Variants in UBASH3B observed in about 807,000 individuals in gnomAD.
The protein encoded by UBASH3B is ubiquitin associated and SH3 domain containing B, also known as ubiquitin-associated and SH3 domain-containing protein B.
In UBASH3B, 37 loss-of-function variants were observed where a neutral mutation model predicts 83.4. That is an observed-to-expected ratio of 0.44 (90% CI 0.34 to 0.58). The LOEUF (loss-of-function observed/expected upper bound fraction) is 0.58, where lower values mean the gene tolerates loss of function less well. Ranked by LOEUF, UBASH3B falls within the 20% of genes least tolerant of loss-of-function variation. The probability of loss-of-function intolerance (pLI) is 0.01; values close to 1 mark genes in which losing one functional copy is unlikely to be tolerated. For synonymous variants in UBASH3B, 304 were observed against 318.3 expected, an observed-to-expected ratio of 0.96 and a Z score of 0.48; for missense variants, 657 against 827.2, an observed-to-expected ratio of 0.79 and a Z score of 2.52.
intron 1 of UBASH3B, among the ~76,000 whole-genome samples, chr11:122,657,236 A>T (rs1443898052): frequency 2.0e-5 from 3 of 152,226 alleles, no homozygotes; most frequent in African/African-American, 7.2e-5. Flanking sequence ...AGGGCCAAGT[A>T]AATGAAAGTC....
In UBASH3B at chr11:122,796,110, C is replaced by T. The variant is rs761244633; in HGVS notation, c.1114-46C>T. On this transcript the variant is annotated intron_variant, in intron 7 of 13. Coordinates refer to ENST00000284273, the MANE Select transcript of UBASH3B (RefSeq NM_032873.5). Reference sequence around the variant, plus strand: ...CTGGCACCTGGCTCCAAGACATGTCCACTTTGCCATGTGTGTCTTCACTAA... The same window carrying T: ...CTGGCACCTGGCTCCAAGACATGTCTACTTTGCCATGTGTGTCTTCACTAA... 7 of 1,606,742 alleles carry T rather than the reference C, an allele frequency of 4.4e-6. No individual in the cohort carries two copies. The African/African-American group carries it at 8.0e-5, about 18-fold the overall frequency.
chr11:122,781,420 A>T (rs1327353168), intron 4 of UBASH3B, among the ~76,000 whole-genome samples: 1 of 152,228 alleles, frequency 6.6e-6, no homozygotes, highest in Non-Finnish European at 1.5e-5. Flanking sequence ...CAAATCCTTC[A>T]CAAATGAGAA....
At chr11:122,807,708 A>C (rs1363214005) in intron 12 of UBASH3B, among the ~76,000 whole-genome samples, 3 of 151,790 alleles carry the variant, frequency 2.0e-5, no homozygotes, top group South Asian at 4.2e-4. Flanking sequence ...AGGCCACCAC[A>C]CCCAGCTAAT....
chr11:122,751,259 A>G (rs1861194558), intron 1 of UBASH3B, among the ~76,000 whole-genome samples: 1 of 152,216 alleles, frequency 6.6e-6, no homozygotes, highest in Non-Finnish European at 1.5e-5. Flanking sequence ...TCGGGTCCCT[A>G]AAATGTGAAA....
intron 1 of UBASH3B, among the ~76,000 whole-genome samples, chr11:122,741,612 A>G (rs972657322): frequency 6.6e-6 from 1 of 152,134 alleles, no homozygotes; most frequent in African/African-American, 2.4e-5. Context: ...GAAGGCCGAG[A>G]CATTTGCGTT....
chr11:122,708,564 G>A (rs1864153969), intron 1 of UBASH3B, among the ~76,000 whole-genome samples: 1 of 152,162 alleles, frequency 6.6e-6, no homozygotes, highest in Admixed American at 6.5e-5. Flanking sequence ...AAAGTGCTGG[G>A]ATTACAGGTG....
intron 1 of UBASH3B, among the ~76,000 whole-genome samples, chr11:122,754,028 C>T (rs1353499788): frequency 6.6e-6 from 1 of 152,216 alleles, no homozygotes; most frequent in East Asian, 1.9e-4. Flanking sequence ...ATGGTAGCCA[C>T]TAGCACCTGA....
intron 4 of UBASH3B, among the ~76,000 whole-genome samples, chr11:122,781,893 A>G (rs1860862396): frequency 6.6e-6 from 1 of 152,264 alleles, no homozygotes; most frequent in African/African-American, 2.4e-5. Flanking sequence ...GGCTTACACC[A>G]AAGAAAGGCA....
intron 1 of UBASH3B, among the ~76,000 whole-genome samples, chr11:122,766,542 C>G (rs1416800353): frequency 6.6e-6 from 1 of 151,338 alleles, no homozygotes; most frequent in African/African-American, 2.4e-5. Context: ...CAGCGAGACT[C>G]CGTCTCAAAA....
intron 9 of UBASH3B, among the ~76,000 whole-genome samples, chr11:122,798,646 G>GCCGA (rs1861193632): frequency 6.7e-6 from 1 of 149,708 alleles, no homozygotes; most frequent in Non-Finnish European, 1.5e-5. Context: ...GGGAGGCAGA[G>GCCGA]GTTGCAGTGA....
intron 1 of UBASH3B, among the ~76,000 whole-genome samples, chr11:122,683,488 G>T (rs902789687): frequency 1.1e-4 from 17 of 151,636 alleles, no homozygotes; most frequent in African/African-American, 3.9e-4. Context: ...GGTGGCGCAC[G>T]CCTGTAATCC....
In UBASH3B at chr11:122,794,722, C is replaced by G; in HGVS notation, c.1001C>G (p.Thr334Arg). Residue 334 changes from threonine to arginine, a missense_variant, in exon 7 of 14, where the codon ACA (threonine) becomes AGA (arginine). Thr to Arg is a moderately conservative substitution (Grantham distance 71, BLOSUM62 -1). Transcript: ENST00000284273. ...TGCAGTTCTTATTCAATCTTAAATA[C>G]ATCGTCATCCAACTCTCTCACGTTT... ...IFHGSYSILNTSSSNSLTFGD... is the reference protein window; with the variant it reads ...IFHGSYSILNRSSSNSLTFGD... 1 of 1,614,148 alleles carries G rather than the reference C, an allele frequency of 6.2e-7. No individual in the cohort carries two copies. The highest frequency in any genetic ancestry group is 1.1e-5 in the South Asian group (1 of 91,084).
intron 1 of UBASH3B, among the ~76,000 whole-genome samples, chr11:122,682,265 C>G (rs1863751066): frequency 6.6e-6 from 1 of 152,128 alleles, no homozygotes; most frequent in Non-Finnish European, 1.5e-5. Context: ...ACGGAGCCAC[C>G]AACAGACACA....
At chr11:122,703,610 G>A (rs574303796) in intron 1 of UBASH3B, among the ~76,000 whole-genome samples, 208 of 152,294 alleles carry the variant, frequency 1.4e-3, no homozygotes, top group African/African-American at 4.8e-3. Context: ...GTCTGAAATA[G>A]AAACTTTTAG....
chr11:122,715,936 T>G (rs1860518100), intron 1 of UBASH3B, among the ~76,000 whole-genome samples: 1 of 152,264 alleles, frequency 6.6e-6, no homozygotes, highest in Non-Finnish European at 1.5e-5. Context: ...AATTACATTT[T>G]CCTGTCATTT....
Position 122,773,591 on chromosome 11 carries a change from G to C in UBASH3B, c.162-2628G>C, listed in dbSNP as rs544477145. ...ATTTTATCTTGGCCAAGCCTCCCCG[G>C]AGCATGTGTACCAGATACGATAACC... On this transcript the variant is annotated intron_variant, in intron 1 of 13. Transcript: ENST00000284273. Among the ~76,000 whole-genome samples the C allele has an allele frequency of 2.0e-5, 3 of 152,244 alleles. No individual in the cohort carries two copies. In the South Asian group the frequency reaches 6.2e-4, roughly 32 times the overall value.
intron 1 of UBASH3B, among the ~76,000 whole-genome samples, chr11:122,764,592 A>G (rs1161429855): frequency 6.6e-6 from 1 of 152,178 alleles, no homozygotes; most frequent in African/African-American, 2.4e-5. Context: ...GCTTCCCAAC[A>G]CTTACTTGAC....
chr11:122,704,325 T>A (rs1864087322), intron 1 of UBASH3B, among the ~76,000 whole-genome samples: 1 of 152,202 alleles, frequency 6.6e-6, no homozygotes. Flanking sequence ...TTTACCTCTG[T>A]TGAAGATGGC....
At chr11:122,679,203 G>A (rs1173638177) in intron 1 of UBASH3B, among the ~76,000 whole-genome samples, 1 of 152,230 alleles carries the variant, frequency 6.6e-6, no homozygotes, top group Non-Finnish European at 1.5e-5. Flanking sequence ...GGGGCGAGGA[G>A]GGGATAGTGT....
Sources: gnomAD v4.1 joint callset for allele counts (sites outside exome capture counted in the v4.1 genomes callset) on GRCh38, gnomAD v4.1.1 for gene constraint, MANE v1.5 for transcripts, NCBI Gene and HGNC (gene_info 2026-07-23, HGNC 2026-07-21) for gene names.